ZNF695: variants seen among roughly 807,000 people sequenced by gnomAD.
ZNF695 encodes zinc finger protein SBZF3.
In ZNF695, 11 loss-of-function variants were observed where a neutral mutation model predicts 11.2. That is an observed-to-expected ratio of 0.98 (90% CI 0.62 to 1.62). ZNF695 has a LOEUF of 1.62. Ranked by LOEUF, ZNF695 falls within the 40% of genes most tolerant of loss-of-function variation. The probability of loss-of-function intolerance (pLI) is 0.00; values close to 1 mark genes in which losing one functional copy is unlikely to be tolerated. For synonymous variants in ZNF695, 190 were observed against 201.4 expected, an observed-to-expected ratio of 0.94 and a Z score of 0.48; for missense variants, 559 against 590.5, an observed-to-expected ratio of 0.95 and a Z score of 0.55.
At chr1:247,001,328 A>G (rs1213349752) in intron 1 of ZNF695, among the ~76,000 whole-genome samples, 8 of 152,148 alleles carry the variant, frequency 5.3e-5, no homozygotes, top group Non-Finnish European at 1.2e-4. Flanking sequence ...CTGGGAGGCC[A>G]AAGTGGGAGA....
chr1:246,959,310 AATATATATATATAT>A (rs1158852538), intron 5 of ZNF695, among the ~76,000 whole-genome samples: 53 of 51,246 alleles, frequency 1.0e-3, no homozygotes, highest in African/African-American at 3.8e-3. Context: ...AAAAAAAAAA[AATATATATATATAT>A]ATATATATAT....
At chr1:246,973,936 C>T (rs1668490839) in intron 4 of ZNF695, among the ~76,000 whole-genome samples, 1 of 152,144 alleles carries the variant, frequency 6.6e-6, no homozygotes, top group East Asian at 1.9e-4. Context: ...CCTTTCATGG[C>T]CTCAGTATAA....
At chr1:246,945,645 C>A (rs1190383566), downstream of ZNF695, 9 of 723,170 alleles carry the variant, frequency 1.2e-5, no homozygotes, top group Non-Finnish European at 2.0e-5. Flanking sequence ...GAAGAACAAT[C>A]TTCCTTTCAT....
intron 5 of ZNF695, among the ~76,000 whole-genome samples, chr1:246,957,175 G>A (rs564375014): frequency 2.6e-5 from 4 of 152,258 alleles, no homozygotes; most frequent in African/African-American, 7.2e-5. Flanking sequence ...GAGGTCAAGA[G>A]ATGGAGACCA....
chr1:246,947,917 G>A (rs925881887), intron 5 of ZNF695, among the ~76,000 whole-genome samples: 22 of 152,116 alleles, frequency 1.4e-4, no homozygotes, highest in African/African-American at 5.3e-4. Context: ...AAAGCCCTGT[G>A]GCAGGAGAAA....
intron 3 of ZNF695, among the ~76,000 whole-genome samples, chr1:246,991,604 T>C (rs1363985432): frequency 6.6e-6 from 1 of 152,142 alleles, no homozygotes; most frequent in African/African-American, 2.4e-5. Flanking sequence ...AAATCACTTA[T>C]ATCCAAAAGC....
At chr1:246,947,158 C>T (rs1398733482) in intron 5 of ZNF695, among the ~76,000 whole-genome samples, 1 of 128,498 alleles carries the variant, frequency 7.8e-6, no homozygotes, top group Non-Finnish European at 1.6e-5. Context: ...AAAAAAAAAT[C>T]AAAGAGTAAA....
chr1:246,981,797 C>T (rs1382597111), downstream of ZNF695, among the ~76,000 whole-genome samples: 9 of 152,136 alleles, frequency 5.9e-5, no homozygotes. Context: ...CCCAAAATCA[C>T]TGAGGAAATT....
intron 4 of ZNF695, among the ~76,000 whole-genome samples, chr1:246,980,319 C>T (rs1327009576): frequency 1.3e-5 from 2 of 151,142 alleles, no homozygotes; most frequent in Non-Finnish European, 2.9e-5. Flanking sequence ...TAGTTATAGA[C>T]CTGTACTATT....
intron 4 of ZNF695, among the ~76,000 whole-genome samples, chr1:246,980,178 T>TAAAAA (rs71566679): frequency 5.6e-5 from 5 of 88,756 alleles, no homozygotes; most frequent in Non-Finnish European, 4.4e-5. Flanking sequence ...ACTCTGTATT[T>TAAAAA]AAAAAAAAAA....
rs199970676 is a variant in ZNF695, at chr1:246,966,898, G to T, written c.488+797C>A. On this transcript the variant is annotated intron_variant, in intron 5 of 5. Coordinates refer to the ZNF695 transcript ENST00000487338. ...GAGTTATTGGAGGGTTTGAACAGAG[G>T]AGTTACATATTAAATAAATCATATT... 200 of 452,660 alleles carry T rather than the reference G, an allele frequency of 4.4e-4. 1 individual carries two copies. The highest frequency in any genetic ancestry group is 3.5e-3 in the African/African-American group (176 of 49,798). The allele number at this position is 452,660 out of a possible 1,614,324, so 28.0% of individuals were successfully genotyped here.
chr1:246,968,791 T>C (rs1176218567), intron 4 of ZNF695: 1 of 152,366 alleles, frequency 6.6e-6, no homozygotes, highest in Non-Finnish European at 1.5e-5. Flanking sequence ...GCTTGTGTCT[T>C]ATACCCTCTG....
chr1:246,957,110 C>T (rs1220201133), intron 5 of ZNF695, among the ~76,000 whole-genome samples: 2 of 152,112 alleles, frequency 1.3e-5, no homozygotes, highest in African/African-American at 4.8e-5. Context: ...AGGCCGAGTG[C>T]GGTGGCTCAT....
intron 3 of ZNF695, among the ~76,000 whole-genome samples, chr1:246,990,142 G>A (rs947351864): frequency 6.7e-6 from 1 of 149,490 alleles, no homozygotes; most frequent in South Asian, 2.1e-4. Context: ...AAGGAGAAGG[G>A]GAAGGAGGGA....
chr1:246,948,135 G>A (rs1220289710), intron 5 of ZNF695, among the ~76,000 whole-genome samples: 3 of 152,082 alleles, frequency 2.0e-5, no homozygotes, highest in African/African-American at 2.4e-5. Context: ...ATGCAGTGGC[G>A]TGATCTTGGC....
chr1:246,967,746 A>C (rs917555416), exon 5 of ZNF695: 3 of 401,742 alleles, frequency 7.5e-6, no homozygotes, highest in Non-Finnish European at 1.5e-5. Context: ...CAGGAAACTT[A>C]GAATCATGGC....
At chr1:246,980,751 G>A (rs187065419), downstream of ZNF695, among the ~76,000 whole-genome samples, 64 of 152,150 alleles carry the variant, frequency 4.2e-4, no homozygotes, top group Admixed American at 6.5e-4. Context: ...CATTTTAGAG[G>A]CATTAAGTGC....
intron 5 of ZNF695, among the ~76,000 whole-genome samples, chr1:246,961,896 G>A (rs1668172064): frequency 6.6e-6 from 1 of 152,140 alleles, no homozygotes; most frequent in African/African-American, 2.4e-5. Context: ...TTCAGTTAAG[G>A]GAAAAGATCT....
chr1:246,947,139 A>C (rs796867612), intron 5 of ZNF695, among the ~76,000 whole-genome samples: 17,179 of 75,720 alleles, frequency 0.23, 1,243 homozygotes, highest in Admixed American at 0.26. Flanking sequence ...GACTCCGTCA[A>C]AAAAAAAAAA....
Sources: gnomAD v4.1 joint callset for allele counts (sites outside exome capture counted in the v4.1 genomes callset) on GRCh38, gnomAD v4.1.1 for gene constraint, MANE v1.5 for transcripts, NCBI Gene and HGNC (gene_info 2026-07-23, HGNC 2026-07-21) for gene names.